Variants in ZNF33B observed in about 807,000 individuals in gnomAD.
ZNF33B encodes zinc finger protein 33B.
Under a neutral mutation model 45.8 loss-of-function variants are expected in ZNF33B, and 29 were observed. The ratio of observed to expected loss-of-function variants is 0.63; its 90% CI spans 0.47 to 0.86. The LOEUF is 0.86. ZNF33B is among the 40% of genes least tolerant of loss of function. The probability of loss-of-function intolerance (pLI) is 0.00; values close to 1 mark genes in which losing one functional copy is unlikely to be tolerated. For missense variants in ZNF33B, 831 were observed against 909.9 expected, an observed-to-expected ratio of 0.91 and a Z score of 1.12; for synonymous variants, 305 against 307.8, an observed-to-expected ratio of 0.99 and a Z score of 0.10.
At chr10:42,612,560 A>T (rs1462938761) in intron 4 of ZNF33B, among the ~76,000 whole-genome samples, 1 of 152,138 alleles carries the variant, frequency 6.6e-6, no homozygotes, top group Non-Finnish European at 1.5e-5. Context: ...TCAAACTCTG[A>T]CCAGCCTTGA....
chr10:42,619,011 A>AT lies in ZNF33B; in HGVS notation c.250+12917dup, dbSNP rs563670308. 1.9e-4 allele frequency among the ~76,000 whole-genome samples: 29 copies of AT among 152,092 alleles called. 1 individual carries two copies. In the South Asian group the frequency reaches 3.9e-3, roughly 21 times the overall value. On this transcript the variant is annotated intron_variant, in intron 4 of 4. Coordinates refer to ENST00000359467, the MANE Select transcript of ZNF33B (RefSeq NM_006955.3). ...GGTCACATTTTTCCTGTTTCTTTGC[A>AT]TATCTCATTTTGTTGTTGTTCTCGA...
At chr10:42,631,164 A>G (rs1389075778) in intron 4 of ZNF33B, among the ~76,000 whole-genome samples, 1 of 152,170 alleles carries the variant, frequency 6.6e-6, no homozygotes, top group Non-Finnish European at 1.5e-5. Context: ...AAACATAAGT[A>G]TACATAATAT....
Position 42,594,240 on chromosome 10 carries a change from C to A in ZNF33B, c.710G>T (p.Arg237Leu), listed in dbSNP as rs199767536. 16 of 1,613,602 alleles carry A rather than the reference C, an allele frequency of 9.9e-6. No homozygotes were observed. Among genetic ancestry groups the A allele is most frequent in the Non-Finnish European group, 1.4e-5 (16 of 1,179,930 alleles). Residue 237 changes from arginine (R) to leucine (L), a missense_variant, in exon 5 of 5, where the codon CGG becomes CTG. By Grantham distance (102) the Arg-to-Leu change is moderately radical. Coordinates refer to ENST00000359467, the MANE Select transcript of ZNF33B (RefSeq NM_006955.3). ...TLLEKAVFNTRKRENAEENNC... is the reference protein window; with the variant it reads ...TLLEKAVFNTLKRENAEENNC... Reference sequence around the variant, plus strand: ...ATTCTCTTCTGCATTCTCTCTCTTCCGTGTATTGAATACTGCCTTTTCAAG... The same window carrying A: ...ATTCTCTTCTGCATTCTCTCTCTTCAGTGTATTGAATACTGCCTTTTCAAG...
intron 4 of ZNF33B, among the ~76,000 whole-genome samples, chr10:42,608,527 T>C (rs1191257351): frequency 4.6e-5 from 7 of 151,634 alleles, no homozygotes; most frequent in Admixed American, 4.6e-4. Context: ...ACAAATTATA[T>C]AATACATTCC....
intron 4 of ZNF33B, among the ~76,000 whole-genome samples, chr10:42,598,423 A>T (rs1395570550): frequency 6.6e-6 from 1 of 152,238 alleles, no homozygotes. Flanking sequence ...GGCCTTGGCC[A>T]CCCACACACA....
chr10:42,591,317 G>A lies in ZNF33B; in HGVS notation c.*1296C>T. ...ACTATCACTTACGCTGAAGGCTGGAGTGTTCACATATGTACCCCAGGCAGT... is the reference window on the plus strand; with the variant it reads ...ACTATCACTTACGCTGAAGGCTGGAATGTTCACATATGTACCCCAGGCAGT... On this transcript the variant is annotated 3_prime_UTR_variant, in exon 5 of 5. Coordinates refer to ENST00000359467, the MANE Select transcript of ZNF33B (RefSeq NM_006955.3). 2 of 764,330 alleles carry A rather than the reference G, an allele frequency of 2.6e-6. No individual in the cohort carries two copies. The highest frequency in any genetic ancestry group is 3.2e-6 in the Non-Finnish European group (2 of 628,858). 47.3% of individuals were successfully genotyped at this position (764,330 alleles called of 1,614,324 possible). A position where few individuals can be genotyped will look rare whatever the true frequency, so the allele number is the denominator to read the frequency against.
chr10:42,614,664 T>C (rs1229048347), intron 4 of ZNF33B, among the ~76,000 whole-genome samples: 2 of 152,036 alleles, frequency 1.3e-5, no homozygotes, highest in Admixed American at 1.3e-4. Flanking sequence ...TAAAAAGATG[T>C]TCAACATCAG....
intron 4 of ZNF33B, among the ~76,000 whole-genome samples, chr10:42,630,162 G>A (rs1838986218): frequency 1.3e-5 from 2 of 152,058 alleles, no homozygotes; most frequent in African/African-American, 4.8e-5. Context: ...TTTAAAGGTA[G>A]GTTTGCTAGC....
chr10:42,622,709 G>C (rs1280329088), intron 4 of ZNF33B, among the ~76,000 whole-genome samples: 1 of 152,206 alleles, frequency 6.6e-6, no homozygotes, highest in East Asian at 1.9e-4. Context: ...GGAATGAGTA[G>C]TTACTGCTTA....
intron 4 of ZNF33B, among the ~76,000 whole-genome samples, chr10:42,602,777 C>G (rs186696891): frequency 6.6e-6 from 1 of 152,092 alleles, no homozygotes; most frequent in Non-Finnish European, 1.5e-5. Flanking sequence ...ATCAGTCCTT[C>G]TCCAGGCCCT....
chr10:42,635,021 C>T (rs1223336061), intron 2 of ZNF33B, among the ~76,000 whole-genome samples: 6 of 152,076 alleles, frequency 3.9e-5, no homozygotes, highest in Admixed American at 1.3e-4. Flanking sequence ...CCAAGGCAGG[C>T]GAATCACTTG....
At chr10:42,596,616 T>C (rs2132049077) in intron 4 of ZNF33B, among the ~76,000 whole-genome samples, 1 of 152,246 alleles carries the variant, frequency 6.6e-6, no homozygotes, top group South Asian at 2.1e-4. Context: ...AGGTCTTCAA[T>C]TTCTCTCTGC....
rs1253534107 is a variant in ZNF33B, at chr10:42,589,683, TTAA to T, written c.*2927_*2929del. 6.6e-6 allele frequency: 1 copy of T among 152,264 alleles called. No individual in the cohort carries two copies. The highest frequency in any genetic ancestry group is 1.5e-5 in the Non-Finnish European group (1 of 68,054). The allele number at this position is 152,264 out of a possible 1,614,324, so 9.4% of individuals were successfully genotyped here. ...TCTACAACCCTGCTATAATTGCTTA[TTAA>T]TGTCAGCAGGTTTTTGTTATTTAGA... On this transcript the variant is annotated 3_prime_UTR_variant, in exon 5 of 5. Coordinates refer to ENST00000359467, the MANE Select transcript of ZNF33B (RefSeq NM_006955.3).
Position 42,589,152 on chromosome 10 carries a change from T to A in ZNF33B, c.*3461A>T, listed in dbSNP as rs1836999954. ...ATTTATTTACTTAATACACTTCATT[T>A]TTTAGAGCAGCTTTAGGGTTACAGA... is the stretch of plus-strand genomic sequence containing the variant. On this transcript the variant is annotated 3_prime_UTR_variant, in exon 5 of 5. Coordinates refer to ENST00000359467, the MANE Select transcript of ZNF33B (RefSeq NM_006955.3). The A allele has an allele frequency of 4.8e-6, 1 of 210,248 alleles. No individual in the cohort carries two copies. The highest frequency in any genetic ancestry group is 2.3e-5 in the African/African-American group (1 of 42,590). The allele number at this position is 210,248 out of a possible 1,614,324, so 13.0% of individuals were successfully genotyped here.
chr10:42,631,095 T>C (rs1475638884), intron 4 of ZNF33B, among the ~76,000 whole-genome samples: 1 of 152,208 alleles, frequency 6.6e-6, no homozygotes, highest in African/African-American at 2.4e-5. Flanking sequence ...CTTAAAGTAA[T>C]CTAAACTTGC....
chr10:42,592,460 G>A lies in ZNF33B; in HGVS notation c.*153C>T, dbSNP rs1837169429. Reference sequence around the variant, plus strand: ...CCATCCTATAGTTGTTGTAGTCTATGGGTTTATCCCCTACTGTTACTTTGG... The same window carrying A: ...CCATCCTATAGTTGTTGTAGTCTATAGGTTTATCCCCTACTGTTACTTTGG... On this transcript the variant is annotated 3_prime_UTR_variant, in exon 5 of 5. Transcript: ENST00000359467. The A allele has an allele frequency of 2.7e-6, 3 of 1,102,710 alleles. No homozygotes were observed. The highest frequency in any genetic ancestry group is 3.9e-6 in the Non-Finnish European group (3 of 766,206). The allele number at this position is 1,102,710 out of a possible 1,614,324, so 68.3% of individuals were successfully genotyped here. A position where few individuals can be genotyped will look rare whatever the true frequency, so the allele number is the denominator to read the frequency against.
intron 1 of ZNF33B, among the ~76,000 whole-genome samples, chr10:42,575,439 C>T (rs1034400868): frequency 7.2e-5 from 11 of 152,188 alleles, no homozygotes; most frequent in Non-Finnish European, 2.9e-5. Flanking sequence ...TTTTGCACTA[C>T]TAGCTCCGAG....
chr10:42,583,283 GTCC>G, intron 1 of ZNF33B: 3 of 498,480 alleles, frequency 6.0e-6, no homozygotes, highest in South Asian at 4.2e-5. Context: ...ACAGACAGGT[GTCC>G]TCCTTCAAGC....
At position 42,593,818 on chromosome 10, in the gene ZNF33B, A is replaced by G; in HGVS notation, c.1132T>C (p.Ser378Pro). 6.2e-7 allele frequency: 1 copy of G among 1,613,828 alleles called. No homozygotes were observed. The highest frequency in any genetic ancestry group is 8.5e-7 in the Non-Finnish European group (1 of 1,179,908). The stretch of plus-strand genomic sequence containing the variant: ...TCAAAAGGTTTCTCCCCTGTGTGTG[A>G]TCTCTGATGTTTAGTGAGGTTTGAC... ...EKSNLTKHQR[S>P]HTGEKPFECN... Residue 378 changes from serine to proline, a missense_variant, in exon 5 of 5, where the codon TCA becomes CCA. By Grantham distance (74) the Ser-to-Pro change is moderately conservative. Coordinates refer to ENST00000359467, the MANE Select transcript of ZNF33B (RefSeq NM_006955.3).
Sources: gnomAD v4.1 joint callset for allele counts (sites outside exome capture counted in the v4.1 genomes callset) on GRCh38, gnomAD v4.1.1 for gene constraint, MANE v1.5 for transcripts, NCBI Gene and HGNC (gene_info 2026-07-23, HGNC 2026-07-21) for gene names.